The following HAP1 variants were observed in gnomAD, a reference collection of about 807,000 sequenced individuals.
The protein encoded by HAP1 is huntingtin-associated protein 1.
Under a neutral mutation model 60.3 loss-of-function variants are expected in HAP1, and 59 were observed. The ratio of observed to expected loss-of-function variants is 0.98; its 90% CI spans 0.79 to 1.22. The LOEUF (loss-of-function observed/expected upper bound fraction) is 1.22, where lower values mean the gene tolerates loss of function less well. HAP1 is among the 50% of genes most tolerant of loss of function. HAP1 has a pLI of 0.00. For missense variants in HAP1, 825 were observed against 785.3 expected, an observed-to-expected ratio of 1.05 and a Z score of -0.60; for synonymous variants, 346 against 330.6, an observed-to-expected ratio of 1.05 and a Z score of -0.50.
In HAP1 at chr17:41,734,371, G is replaced by C. The variant is rs1912532874; in HGVS notation, c.264C>G (p.Ala88=). The change falls in exon 1 of 11, where the codon GCC becomes GCG. Residue 88 remains alanine, a synonymous_variant. Coordinates refer to ENST00000347901, the MANE Select transcript of HAP1 (RefSeq NM_177977.3). The part of the protein sequence containing the change: ...AGARRPSAFS[A]IQGDVRSMPD... ...GCATAGACCGGACATCCCCTTGGAT[G>C]GCCGAGAATGCGGACGGGCGCCGGG... 1 of 1,606,788 alleles carries C rather than the reference G, an allele frequency of 6.2e-7. No individual in the cohort carries two copies. Among genetic ancestry groups the C allele is most frequent in the Non-Finnish European group, 8.5e-7 (1 of 1,175,180 alleles).
At chr17:41,732,534 A>T in intron 2 of HAP1, 140 bp from the exon 3 acceptor site, 1 of 988,762 alleles carries the variant, frequency 1.0e-6, no homozygotes, top group East Asian at 2.5e-5. Flanking sequence ...TGGAAAAAGA[A>T]GATCAGACCA....
At chr17:41,719,689 T>C (rs1911119164), downstream of HAP1, among the ~76,000 whole-genome samples, 1 of 50,584 alleles carries the variant, frequency 2.0e-5, no homozygotes, top group South Asian at 1.2e-3. Flanking sequence ...CGAGACTCTG[T>C]CTCAAAAAAA....
rs781849819 is a variant in HAP1 at position 41,725,899 on chromosome 17, T to G, written c.1368-2A>C. ...TCCCCTCTGGGCATCTCATAATTCC[T>G]TCAAAGAGAAAAGGACCTTCATTAT... On this transcript the variant is annotated splice_acceptor_variant, in intron 9 of 10. Coordinates refer to ENST00000347901, the MANE Select transcript of HAP1 (RefSeq NM_177977.3). LOFTEE classifies it high-confidence loss of function. 3.1e-6 allele frequency: 5 copies of G among 1,610,900 alleles called. No individual in the cohort carries two copies. In the South Asian group the frequency reaches 4.4e-5, roughly 14 times the overall value.
intron 6 of HAP1, 79 bp downstream of exon 6, chr17:41,731,414 G>A: frequency 1.0e-6 from 1 of 973,190 alleles, no homozygotes; most frequent in African/African-American, 1.6e-5. Flanking sequence ...CTTGAACTTG[G>A]ATCTCCATAC....
At chr17:41,732,928 G>C (rs1263877113) in intron 1 of HAP1, 130 bp from the exon 2 acceptor site, 1 of 667,046 alleles carries the variant, frequency 1.5e-6, no homozygotes, top group African/African-American at 1.8e-5. Flanking sequence ...GAGAAGACTG[G>C]GCTCCCCTCC....
intron 1 of HAP1, among the ~76,000 whole-genome samples, chr17:41,733,377 A>G (rs1355653717): frequency 6.7e-5 from 2 of 29,978 alleles, no homozygotes; most frequent in Non-Finnish European, 1.3e-4. Context: ...TTTTTTTTTT[A>G]CCCCTGGAGG....
downstream of HAP1, among the ~76,000 whole-genome samples, chr17:41,719,890 C>CTT (rs33939681): frequency 0.39 from 50,175 of 128,740 alleles, 11,803 homozygotes; most frequent in East Asian, 0.67. Flanking sequence ...AGATATTTAA[C>CTT]TTTTTTTTTT....
At chr17:41,725,436 C>T (rs577174277) in intron 10 of HAP1, among the ~76,000 whole-genome samples, 2 of 152,310 alleles carry the variant, frequency 1.3e-5, no homozygotes, top group African/African-American at 4.8e-5. Flanking sequence ...CTGCCTCCCT[C>T]CTGCATGATT....
chr17:41,734,427 G>A lies in HAP1; in HGVS notation c.208C>T (p.Pro70Ser), dbSNP rs782592750. The change falls in exon 1 of 11, where the codon CCG becomes TCG. Residue 70 changes from proline to serine, a missense_variant. By Grantham distance (74) the Pro-to-Ser change is moderately conservative. Coordinates refer to ENST00000347901, the MANE Select transcript of HAP1 (RefSeq NM_177977.3). ...GCCTTGGCTCCAGCCTCCGAGGCCG[G>A]GCGAGCTCCGGTGCGGGCTTCCGAG... Reference protein sequence around the residue: ...FLSEARTGARPASEAGAKAGA... With the variant: ...FLSEARTGARSASEAGAKAGA... 3.1e-6 allele frequency: 5 copies of A among 1,608,942 alleles called. No homozygotes were observed. The highest frequency in any genetic ancestry group is 1.1e-5 in the South Asian group (1 of 90,956).
intron 10 of HAP1, 102 bp downstream of exon 10, chr17:41,725,757 G>T: frequency 1.2e-6 from 1 of 860,922 alleles, no homozygotes; most frequent in African/African-American, 1.7e-5. Context: ...CGAGATAGCA[G>T]GGCCTTCTCC....
intron 1 of HAP1, among the ~76,000 whole-genome samples, chr17:41,733,041 T>TTG (rs1555591613): frequency 5.8e-4 from 54 of 92,858 alleles, no homozygotes; most frequent in African/African-American, 1.5e-3. Context: ...TTTTTTGGTT[T>TTG]TTTTTTTTTT....
chr17:41,733,055 T>TG, intron 1 of HAP1, among the ~76,000 whole-genome samples: 1 of 10,716 alleles, frequency 9.3e-5, no homozygotes, highest in African/African-American at 5.9e-4. Flanking sequence ...TTTTTTTTGG[T>TG]TTTTTTTTTT....
At chr17:41,719,695 A>G (rs1911120262), downstream of HAP1, among the ~76,000 whole-genome samples, 2 of 150,214 alleles carry the variant, frequency 1.3e-5, no homozygotes, top group Admixed American at 6.6e-5. Context: ...TCTGTCTCAA[A>G]AAAAAAAAAG....
chr17:41,729,133 G>T (rs1184468652), intron 6 of HAP1, among the ~76,000 whole-genome samples: 1 of 151,348 alleles, frequency 6.6e-6, no homozygotes, highest in Non-Finnish European at 1.5e-5. Context: ...TAGAGACGGG[G>T]TTTCACCATG....
rs1045329043 is a variant in HAP1 at position 41,734,215 on chromosome 17, G to C, written c.420C>G (p.Pro140=). ...CGGCGCGCTCAGGGCCGGACACCCC[G>C]GGTCGCCGGCCAACGTAGGCGGCTG... ...KTPAAYVGRR[P]GVSGPERAAF... The change falls in exon 1 of 11, where the codon CCC becomes CCG. Residue 140 remains proline (P), a synonymous_variant. Transcript: ENST00000347901. 3 of 1,598,984 alleles carry C rather than the reference G, an allele frequency of 1.9e-6. No homozygotes were observed. Among genetic ancestry groups the C allele is most frequent in the Non-Finnish European group, 8.6e-7 (1 of 1,169,360 alleles).
Position 41,732,385 on chromosome 17 carries a change from G to C in HAP1, c.559C>G (p.Pro187Ala), listed in dbSNP as rs1212558509. 1 of 1,613,870 alleles carries C rather than the reference G, an allele frequency of 6.2e-7. No individual in the cohort carries two copies. Residue 187 changes from proline to alanine, a missense_variant, in exon 3 of 11, where the codon CCT becomes GCT. Transcript: ENST00000347901. The stretch of plus-strand genomic sequence containing the variant: ...CCATAGGTAACGCTCTCCCAGACAG[G>C]TGGGAGAAGCTGGGGGGGACACAGG... ...MLYLLEELLP[P>A]VWESVTYGMV...
At position 41,734,386 on chromosome 17, in the gene HAP1, C is replaced by T. The variant is rs782695272; in HGVS notation, c.249G>A (p.Pro83=). The change falls in exon 1 of 11, where the codon CCG becomes CCA. Residue 83 remains proline, a synonymous_variant. Transcript: ENST00000347901. Reference sequence around the variant, plus strand: ...CCCCTTGGATGGCCGAGAATGCGGACGGGCGCCGGGCTCCTGCCTTGGCTC... The same window carrying T: ...CCCCTTGGATGGCCGAGAATGCGGATGGGCGCCGGGCTCCTGCCTTGGCTC... ...EAGAKAGARR[P]SAFSAIQGDV... is the part of the protein sequence containing the mutation. 1 of 1,605,220 alleles carries T rather than the reference C, an allele frequency of 6.2e-7. No homozygotes were observed.
rs782300136 is a variant in HAP1, at chr17:41,731,692, G to C, written c.948C>G (p.Ala316=). The C allele has an allele frequency of 1.2e-6, 2 of 1,614,146 alleles. No homozygotes were observed. Among genetic ancestry groups the C allele is most frequent in the South Asian group, 1.1e-5 (1 of 91,084 alleles). ...LHQHHCPQLE[A]LQEKLRLLEE... is the part of the protein sequence containing the mutation. ...CCAGCAGCCTCAGCTTCTCCTGCAA[G>C]GCTTCCAGCTGTGGGCAGTGGTGCT... Residue 316 remains alanine (A), a synonymous_variant, in exon 5 of 11, where the codon GCC becomes GCG. Coordinates refer to ENST00000347901, the MANE Select transcript of HAP1 (RefSeq NM_177977.3).
rs781991361 is a variant in HAP1 at position 41,734,152 on chromosome 17, G to A, written c.469+14C>T. On this transcript the variant is annotated intron_variant, in intron 1 of 10. Coordinates refer to ENST00000347901, the MANE Select transcript of HAP1 (RefSeq NM_177977.3). The stretch of plus-strand genomic sequence containing the variant: ...AGTCCCCACCCGGTCCAGGACCCCG[G>A]GGGCCCGATTTACCTTCCTCCAGCT... 34 of 1,562,112 alleles carry A rather than the reference G, an allele frequency of 2.2e-5. No individual in the cohort carries two copies. Among genetic ancestry groups the A allele is most frequent in the Non-Finnish European group, 2.9e-5 (33 of 1,149,860 alleles).
Sources: allele counts gnomAD v4.1 joint callset (sites outside exome capture counted in the v4.1 genomes callset), GRCh38; gene constraint gnomAD v4.1.1; transcripts MANE v1.5; gene names NCBI Gene and HGNC (gene_info 2026-07-23, HGNC 2026-07-21).